FOXD1: variants seen among roughly 807,000 people sequenced by gnomAD.
FOXD1 encodes forkhead box D1.
In FOXD1, 4 loss-of-function variants were observed where a neutral mutation model predicts 2.0. That is an observed-to-expected ratio of 2.03 (90% CI 1.00 to 4.64). The LOEUF (loss-of-function observed/expected upper bound fraction) is 4.64, where lower values mean the gene tolerates loss of function less well. Among genes scored for constraint, FOXD1 ranks in the 30% most tolerant of loss-of-function variants. FOXD1 has a pLI of 0.01. For missense variants in FOXD1, 586 were observed against 647.6 expected (o/e 0.90, Z 1.03); for synonymous variants, 354 against 328.5 (o/e 1.08, Z -0.84).
In FOXD1 at chr5:73,448,349, G is replaced by C; in HGVS notation, c.14C>G (p.Thr5Ser). 7.1e-7 allele frequency: 1 copy of C among 1,402,060 alleles called. No homozygotes were observed. Among genetic ancestry groups the C allele is most frequent in the African/African-American group, 1.5e-5 (1 of 66,110 alleles). The allele number at this position is 1,402,060 out of a possible 1,614,324, so 86.9% of individuals were successfully genotyped here. ...GAGGCCAGAGGCATCGGACATCTCAGTGCTCAGGGTCATAGCTGTGGCGCG... is the reference window on the plus strand; with the variant it reads ...GAGGCCAGAGGCATCGGACATCTCACTGCTCAGGGTCATAGCTGTGGCGCG... MTLS[T>S]EMSDASGLAE... is the part of the protein sequence containing the mutation. The change falls in exon 1 of 1, where the codon ACT becomes AGT. Residue 5 changes from threonine (T) to serine (S), a missense_variant. Physicochemically the swap from Thr to Ser is moderately conservative, Grantham distance 58. Around this residue, in one of 4 missense-constraint regions of FOXD1, gnomAD observed 183 missense variants for 159.2 expected, o/e 1.15. Coordinates refer to ENST00000615637, the MANE Select transcript of FOXD1 (RefSeq NM_004472.3).
chr5:73,448,560 C>G lies in FOXD1; in HGVS notation c.-198G>C. On this transcript the variant is annotated 5_prime_UTR_variant, in exon 1 of 1. Transcript: ENST00000615637. ...GCGCGCCGACTTTATAACTCCTGCG[C>G]CGCCGCGGTAGCCGCGCGGATGCTG... 6.0e-6 allele frequency: 1 copy of G among 166,302 alleles called. No individual in the cohort carries two copies. The allele number at this position is 166,302 out of a possible 1,614,324, so 10.3% of individuals were successfully genotyped here.
At position 73,447,642 on chromosome 5, in the gene FOXD1, C is replaced by A; in HGVS notation, c.721G>T (p.Gly241Cys). ...AAAAESLLLR[G>C]AGAAGGAGDP... ...CCCGCGCCCCCTGCGGCTCCCGCGC[C>A]GCGCAGCAGCAGAGACTCGGCGGCC... The change falls in exon 1 of 1, where the codon GGC becomes TGC. Residue 241 changes from glycine (G) to cysteine (C), a missense_variant. Coordinates refer to ENST00000615637, the MANE Select transcript of FOXD1 (RefSeq NM_004472.3). The surrounding 1 kb of genome is among the most constrained non-coding windows in gnomAD (Gnocchi z 7.8). 6.9e-7 allele frequency: 1 copy of A among 1,457,886 alleles called. No homozygotes were observed. The highest frequency in any genetic ancestry group is 9.0e-7 in the Non-Finnish European group (1 of 1,107,988). The allele number at this position is 1,457,886 out of a possible 1,614,324, so 90.3% of individuals were successfully genotyped here.
Position 73,447,587 on chromosome 5 carries a change from G to C in FOXD1, c.776C>G (p.Pro259Arg). 1 of 1,153,338 alleles carries C rather than the reference G, an allele frequency of 8.7e-7. No individual in the cohort carries two copies. The highest frequency in any genetic ancestry group is 1.1e-6 in the Non-Finnish European group (1 of 933,084). 71.4% of individuals were successfully genotyped at this position (1,153,338 alleles called of 1,614,324 possible). A position where few individuals can be genotyped will look rare whatever the true frequency, so the allele number is the denominator to read the frequency against. ...GDPAAAAALF[P>R]PAPPPPPHAY... is the part of the protein sequence containing the mutation. ...ATGCGGGGGCGGCGGGGGCGCGGGCGGGAAGAGCGCGGCGGCGGCTGCCGG... is the reference window on the plus strand; with the variant it reads ...ATGCGGGGGCGGCGGGGGCGCGGGCCGGAAGAGCGCGGCGGCGGCTGCCGG... The change falls in exon 1 of 1, where the codon CCG becomes CGG. Residue 259 changes from proline to arginine, a missense_variant. Physicochemically the swap from Pro to Arg is moderately radical, Grantham distance 103. Coordinates refer to ENST00000615637, the MANE Select transcript of FOXD1 (RefSeq NM_004472.3). This position sits in a 1 kb window ranked among gnomAD's most constrained non-coding sequence, Gnocchi z 7.8.
chr5:73,448,239 C>G lies in FOXD1; in HGVS notation c.124G>C (p.Gly42Arg). 3 of 1,482,468 alleles carry G rather than the reference C, an allele frequency of 2.0e-6. No homozygotes were observed. Among genetic ancestry groups the G allele is most frequent in the Non-Finnish European group, 1.8e-6 (2 of 1,110,158 alleles). The allele number at this position is 1,482,468 out of a possible 1,614,324, so 91.8% of individuals were successfully genotyped here. A position where few individuals can be genotyped will look rare whatever the true frequency, so the allele number is the denominator to read the frequency against. The change falls in exon 1 of 1, where the codon GGC becomes CGC. Residue 42 changes from glycine to arginine, a missense_variant. Physicochemically the swap from Gly to Arg is moderately radical, Grantham distance 125 (BLOSUM62 -2). This residue lies in a region of FOXD1 where 183 missense variants were observed against 159.2 expected (regional missense o/e 1.15). Transcript: ENST00000615637. ...EEEDDDEGGG[G>R]GPRLAVPAQR... ...GCGGGGACAGCCAGCCGGGGCCCGC[C>G]ACCGCCGCCCTCGTCGTCGTCCTCC...
Position 73,448,307 on chromosome 5 carries a change from A to T in FOXD1, c.56T>A (p.Ile19Asn). Residue 19 changes from isoleucine (I) to asparagine (N), a missense_variant, in exon 1 of 1, where the codon ATC (isoleucine) becomes AAC (asparagine). Coordinates refer to ENST00000615637, the MANE Select transcript of FOXD1 (RefSeq NM_004472.3). ...GTCCTCGCCCTCCCCCACCACGTCG[A>T]TGTCTGTTTCCTCGGCGAGGCCAGA... is the stretch of plus-strand genomic sequence containing the variant. ...DASGLAEETD[I>N]DVVGEGEDEE... is the part of the protein sequence containing the mutation. 1 of 1,455,784 alleles carries T rather than the reference A, an allele frequency of 6.9e-7. No homozygotes were observed. The highest frequency in any genetic ancestry group is 9.1e-7 in the Non-Finnish European group (1 of 1,094,338). The allele number at this position is 1,455,784 out of a possible 1,614,324, so 90.2% of individuals were successfully genotyped here. A position where few individuals can be genotyped will look rare whatever the true frequency, so the allele number is the denominator to read the frequency against.
Position 73,447,179 on chromosome 5 carries a change from G to C in FOXD1, c.1184C>G (p.Ser395Trp), listed in dbSNP as rs1271405971. ...AAAAQASPSP[S>W]PVAAPPAPGS... Reference sequence around the variant, plus strand: ...GGGAGCTGGCGGCGCCGCCACCGGCGAGGGCGAGGGCGAGGCCTGAGCGGC... The same window carrying C: ...GGGAGCTGGCGGCGCCGCCACCGGCCAGGGCGAGGGCGAGGCCTGAGCGGC... The change falls in exon 1 of 1, where the codon TCG (serine) becomes TGG (tryptophan). Residue 395 changes from serine to tryptophan, a missense_variant. This residue lies in a region of FOXD1 where 253 missense variants were observed against 234.4 expected (regional missense o/e 1.08). Transcript: ENST00000615637. The surrounding 1 kb of genome is among the most constrained non-coding windows in gnomAD (Gnocchi z 7.8). 1 of 1,033,102 alleles carries C rather than the reference G, an allele frequency of 9.7e-7. No homozygotes were observed. The highest frequency in any genetic ancestry group is 5.8e-5 in the Admixed American group (1 of 17,126). The allele number at this position is 1,033,102 out of a possible 1,614,324, so 64.0% of individuals were successfully genotyped here.
rs780832226 is a variant in FOXD1, at chr5:73,447,979, G to A, written c.384C>T (p.Tyr128=). The A allele has an allele frequency of 4.6e-6, 7 of 1,526,258 alleles. No homozygotes were observed. The highest frequency in any genetic ancestry group is 1.8e-4 in the Middle Eastern group (1 of 5,582). 94.5% of individuals were successfully genotyped at this position (1,526,258 alleles called of 1,614,324 possible). ...GAKNPLVKPP[Y]SYIALITMAI... is the part of the protein sequence containing the mutation. ...CCATAGTGATGAGCGCGATATACGAGTAGGGCGGCTTCACCAGCGGGTTCT... is the reference window on the plus strand; with the variant it reads ...CCATAGTGATGAGCGCGATATACGAATAGGGCGGCTTCACCAGCGGGTTCT... The change falls in exon 1 of 1, where the codon TAC becomes TAT. Residue 128 remains tyrosine (Y), a synonymous_variant. Coordinates refer to ENST00000615637, the MANE Select transcript of FOXD1 (RefSeq NM_004472.3). This position sits in a 1 kb window ranked among gnomAD's most constrained non-coding sequence, Gnocchi z 7.8.
Position 73,447,111 on chromosome 5 carries a change from G to A in FOXD1, c.1252C>T (p.Pro418Ser), listed in dbSNP as rs1745513226. 6 of 1,275,288 alleles carry A rather than the reference G, an allele frequency of 4.7e-6. No individual in the cohort carries two copies. The highest frequency in any genetic ancestry group is 5.9e-6 in the Non-Finnish European group (6 of 1,010,504). The allele number at this position is 1,275,288 out of a possible 1,614,324, so 79.0% of individuals were successfully genotyped here. The change falls in exon 1 of 1, where the codon CCG becomes TCG. Residue 418 changes from proline (P) to serine (S), a missense_variant. Coordinates refer to ENST00000615637, the MANE Select transcript of FOXD1 (RefSeq NM_004472.3). This position sits in a 1 kb window ranked among gnomAD's most constrained non-coding sequence, Gnocchi z 7.8. Reference sequence around the variant, plus strand: ...AGGGATCGGGTGAGCGCGGCCGCCGGGCCCACGGCCGCCTGCGCCGCGCAG... The same window carrying A: ...AGGGATCGGGTGAGCGCGGCCGCCGAGCCCACGGCCGCCTGCGCCGCGCAG... ...GGCAAQAAVG[P>S]AAALTRSLVA...
chr5:73,448,327 G>T lies in FOXD1; in HGVS notation c.36C>A (p.Gly12=). ...TLSTEMSDAS[G]LAEETDIDVV... Reference sequence around the variant, plus strand: ...CGTCGATGTCTGTTTCCTCGGCGAGGCCAGAGGCATCGGACATCTCAGTGC... The same window carrying T: ...CGTCGATGTCTGTTTCCTCGGCGAGTCCAGAGGCATCGGACATCTCAGTGC... The change falls in exon 1 of 1, where the codon GGC becomes GGA. Residue 12 remains glycine, a synonymous_variant. Coordinates refer to ENST00000615637, the MANE Select transcript of FOXD1 (RefSeq NM_004472.3). 1 of 1,450,570 alleles carries T rather than the reference G, an allele frequency of 6.9e-7. No homozygotes were observed. The highest frequency in any genetic ancestry group is 1.5e-5 in the African/African-American group (1 of 67,096). The allele number at this position is 1,450,570 out of a possible 1,614,324, so 89.9% of individuals were successfully genotyped here.
chr5:73,447,074 G>T lies in FOXD1; in HGVS notation c.1289C>A (p.Ala430Glu). Residue 430 changes from alanine to glutamate, a missense_variant, in exon 1 of 1, where the codon GCG becomes GAG. Around this residue, in one of 4 missense-constraint regions of FOXD1, gnomAD observed 46 missense variants for 78.6 expected, o/e 0.58. Coordinates refer to ENST00000615637, the MANE Select transcript of FOXD1 (RefSeq NM_004472.3). This position sits in a 1 kb window ranked among gnomAD's most constrained non-coding sequence, Gnocchi z 7.8. ...AALTRSLVAAAAAAASSVSSS... is the reference protein window; with the variant it reads ...AALTRSLVAAEAAAASSVSSS... ...GGAGACTGAGGAGGCGGCGGCGGCCGCGGCGGCCACGAGGGATCGGGTGAG... is the reference window on the plus strand; with the variant it reads ...GGAGACTGAGGAGGCGGCGGCGGCCTCGGCGGCCACGAGGGATCGGGTGAG... 6.6e-7 allele frequency: 1 copy of T among 1,513,210 alleles called. No homozygotes were observed. Among genetic ancestry groups the T allele is most frequent in the Non-Finnish European group, 8.9e-7 (1 of 1,129,330 alleles). 93.7% of individuals were successfully genotyped at this position (1,513,210 alleles called of 1,614,324 possible). A position where few individuals can be genotyped will look rare whatever the true frequency, so the allele number is the denominator to read the frequency against.
rs1220556771 is a variant in FOXD1, at chr5:73,448,296, C to T, written c.67G>A (p.Gly23Arg). 2 of 1,468,476 alleles carry T rather than the reference C, an allele frequency of 1.4e-6. No homozygotes were observed. Among genetic ancestry groups the T allele is most frequent in the South Asian group, 2.6e-5 (2 of 78,188 alleles). The allele number at this position is 1,468,476 out of a possible 1,614,324, so 91.0% of individuals were successfully genotyped here. ...LAEETDIDVV[G>R]EGEDEEDEEE... ...TCGTCTTCTTCGTCCTCGCCCTCCC[C>T]CACCACGTCGATGTCTGTTTCCTCG... Residue 23 changes from glycine (G) to arginine (R), a missense_variant, in exon 1 of 1, where the codon GGG becomes AGG. This residue lies in a region of FOXD1 where 183 missense variants were observed against 159.2 expected (regional missense o/e 1.15). Transcript: ENST00000615637.
At position 73,447,997 on chromosome 5, in the gene FOXD1, C is replaced by A; in HGVS notation, c.366G>T (p.Pro122=). 6.8e-7 allele frequency: 1 copy of A among 1,466,754 alleles called. No individual in the cohort carries two copies. The highest frequency in any genetic ancestry group is 9.1e-7 in the Non-Finnish European group (1 of 1,102,924). The allele number at this position is 1,466,754 out of a possible 1,614,324, so 90.9% of individuals were successfully genotyped here. ...GGSAGSGAKN[P]LVKPPYSYIA... ...TATACGAGTAGGGCGGCTTCACCAG[C>A]GGGTTCTTGGCGCCGCTACCCGCGC... The change falls in exon 1 of 1, where the codon CCG becomes CCT. Residue 122 remains proline, a synonymous_variant. Coordinates refer to ENST00000615637, the MANE Select transcript of FOXD1 (RefSeq NM_004472.3). This position sits in a 1 kb window ranked among gnomAD's most constrained non-coding sequence, Gnocchi z 7.8.
At position 73,447,152 on chromosome 5, in the gene FOXD1, C is replaced by G. The variant is rs1182004198; in HGVS notation, c.1211G>C (p.Gly404Ala). The G allele has an allele frequency of 3.5e-6, 4 of 1,138,170 alleles. No homozygotes were observed. The South Asian group carries it at 1.3e-4, about 36-fold the overall frequency. The allele number at this position is 1,138,170 out of a possible 1,614,324, so 70.5% of individuals were successfully genotyped here. A position where few individuals can be genotyped will look rare whatever the true frequency, so the allele number is the denominator to read the frequency against. ...PSPVAAPPAP[G>A]SSGGGCAAQA... ...CGCCGCGCAGCCTCCTCCGCTGGAT[C>G]CGGGAGCTGGCGGCGCCGCCACCGG... Residue 404 changes from glycine (G) to alanine (A), a missense_variant, in exon 1 of 1, where the codon GGA becomes GCA. Physicochemically the swap from Gly to Ala is moderately conservative, Grantham distance 60. Coordinates refer to ENST00000615637, the MANE Select transcript of FOXD1 (RefSeq NM_004472.3). The surrounding 1 kb of genome is among the most constrained non-coding windows in gnomAD (Gnocchi z 7.8).
In FOXD1 at chr5:73,448,037, GCGCCGCCGC is replaced by G. The variant is rs754134015; in HGVS notation, c.317_325del (p.Gly106_Gly108del). 54 of 1,293,134 alleles carry G rather than the reference GCGCCGCCGC, an allele frequency of 4.2e-5. No homozygotes were observed. Among genetic ancestry groups the G allele is most frequent in the Admixed American group, 2.3e-4 (6 of 26,134 alleles). The allele number at this position is 1,293,134 out of a possible 1,614,324, so 80.1% of individuals were successfully genotyped here. ...GCTACCCGCGCTCCCGCCGCCGCCC[GCGCCGCCGC>G]CGCCGCCGCCCCCACCGGCTCCTGC... On this transcript the variant is annotated inframe_deletion, in exon 1 of 1. Transcript: ENST00000615637.
chr5:73,446,848 G>C lies in FOXD1; in HGVS notation c.*117C>G, dbSNP rs1442419042. On this transcript the variant is annotated 3_prime_UTR_variant, in exon 1 of 1. Coordinates refer to ENST00000615637, the MANE Select transcript of FOXD1 (RefSeq NM_004472.3). ...CCGAGAATTCGCAGCGGCGAAAATG[G>C]GCGCGCGAGGTCGAGAGGGGCCGCG... 2.2e-6 allele frequency: 2 copies of C among 898,568 alleles called. No homozygotes were observed. The highest frequency in any genetic ancestry group is 3.4e-6 in the Non-Finnish European group (2 of 595,888). 55.7% of individuals were successfully genotyped at this position (898,568 alleles called of 1,614,324 possible). A position where few individuals can be genotyped will look rare whatever the true frequency, so the allele number is the denominator to read the frequency against.
Position 73,447,055 on chromosome 5 carries a change from T to C in FOXD1, c.1308A>G (p.Ser436=), listed in dbSNP as rs2972191. The change falls in exon 1 of 1, where the codon TCA becomes TCG. Residue 436 remains serine, a synonymous_variant. Coordinates refer to ENST00000615637, the MANE Select transcript of FOXD1 (RefSeq NM_004472.3). This position sits in a 1 kb window ranked among gnomAD's most constrained non-coding sequence, Gnocchi z 7.8. Reference sequence around the variant, plus strand: ...TCCCCAAGGCGGCGGACGAGGAGACTGAGGAGGCGGCGGCGGCCGCGGCGG... The same window carrying C: ...TCCCCAAGGCGGCGGACGAGGAGACCGAGGAGGCGGCGGCGGCCGCGGCGG... ...LVAAAAAAAS[S]VSSSAALGTL... is the part of the protein sequence containing the mutation. The C allele has an allele frequency of 0.42, 637,658 of 1,522,742 alleles. 139,354 individuals are homozygous for C. The highest frequency in any genetic ancestry group is 0.54 in the Admixed American group (26,311 of 48,510). 94.3% of individuals were successfully genotyped at this position (1,522,742 alleles called of 1,614,324 possible).
In FOXD1 at chr5:73,447,304, G is replaced by T. The variant is rs1197429268; in HGVS notation, c.1059C>A (p.Gly353=). 11 of 984,942 alleles carry T rather than the reference G, an allele frequency of 1.1e-5. No homozygotes were observed. In the East Asian group the frequency reaches 9.1e-4, roughly 81 times the overall value. The allele number at this position is 984,942 out of a possible 1,614,324, so 61.0% of individuals were successfully genotyped here. ...AGGGCGAGCGCGCCAGCGCTGAGGCGCCCGGGCCGCCCGCCTTGGCCGCGG... is the reference window on the plus strand; with the variant it reads ...AGGGCGAGCGCGCCAGCGCTGAGGCTCCCGGGCCGCCCGCCTTGGCCGCGG... ...PASAAKAGGP[G]ASALARSPFS... Residue 353 remains glycine (G), a synonymous_variant, in exon 1 of 1, where the codon GGC becomes GGA. Transcript: ENST00000615637. The surrounding 1 kb of genome is among the most constrained non-coding windows in gnomAD (Gnocchi z 7.8).
In FOXD1 at chr5:73,446,921, C is replaced by G. The variant is rs1395402452; in HGVS notation, c.*44G>C. 1 of 1,476,234 alleles carries G rather than the reference C, an allele frequency of 6.8e-7. No homozygotes were observed. Among genetic ancestry groups the G allele is most frequent in the Admixed American group, 2.0e-5 (1 of 50,018 alleles). The allele number at this position is 1,476,234 out of a possible 1,614,324, so 91.4% of individuals were successfully genotyped here. ...CGAACCACCAAGACGAGAAAAGGAG[C>G]CGGGATTCCTACCTTCTTCCTCGAG... is the stretch of plus-strand genomic sequence containing the variant. On this transcript the variant is annotated 3_prime_UTR_variant, in exon 1 of 1. Transcript: ENST00000615637.
rs1328783451 is a variant in FOXD1, at chr5:73,447,735, C to G, written c.628G>C (p.Asp210His). ...CTCCGGCGCAGGAAGCTGCCGTTGT[C>G]GAACATGTCGGCGGACTCCGGGTCC... Reference protein sequence around the residue: ...TLDPESADMFDNGSFLRRRKR... With the variant: ...TLDPESADMFHNGSFLRRRKR... The change falls in exon 1 of 1, where the codon GAC (aspartate) becomes CAC (histidine). Residue 210 changes from aspartate to histidine, a missense_variant. Transcript: ENST00000615637. This position sits in a 1 kb window ranked among gnomAD's most constrained non-coding sequence, Gnocchi z 7.8. The G allele has an allele frequency of 5.0e-6, 8 of 1,610,710 alleles. No homozygotes were observed. The highest frequency in any genetic ancestry group is 6.8e-6 in the Non-Finnish European group (8 of 1,178,586).
Sources: gnomAD v4.1 joint callset for allele counts on GRCh38, gnomAD v4.1.1 for gene constraint, gnomAD v4.1.1 regional missense constraint, Gnocchi (gnomAD v3.1) non-coding constraint, MANE v1.5 for transcripts, NCBI Gene and HGNC (gene_info 2026-07-23, HGNC 2026-07-21) for gene names.